Variants in ZNF385D observed in about 807,000 individuals in gnomAD.
ZNF385D encodes zinc finger protein 385D, also known as zinc finger protein 659.
A neutral mutation model predicts 35.8 loss-of-function variants in ZNF385D; 15 were observed. That is an observed-to-expected ratio of 0.42 (90% CI 0.28 to 0.64). The LOEUF is 0.64. ZNF385D is among the 30% of genes least tolerant of loss of function. ZNF385D has a pLI of 0.23. For missense variants in ZNF385D, 474 were observed against 494.6 expected, an observed-to-expected ratio of 0.96 and a Z score of 0.39; for synonymous variants, 212 against 186.8, an observed-to-expected ratio of 1.13 and a Z score of -1.10.
chr3:22,132,236 A>G (rs1703843747), intron 3 of ZNF385D, among the ~76,000 whole-genome samples: 1 of 152,090 alleles, frequency 6.6e-6, no homozygotes, highest in Non-Finnish European at 1.5e-5. Context: ...GAGCCCCTAT[A>G]AAAAAAGGAA....
At chr3:22,169,465 T>C (rs751992113) in intron 2 of ZNF385D, among the ~76,000 whole-genome samples, 4 of 152,340 alleles carry the variant, frequency 2.6e-5, no homozygotes, top group East Asian at 1.9e-4. Flanking sequence ...TAGTATGTAA[T>C]AATGAATTAG....
intron 2 of ZNF385D, among the ~76,000 whole-genome samples, chr3:22,249,131 C>G (rs1008269922): frequency 5.3e-5 from 8 of 152,126 alleles, no homozygotes; most frequent in African/African-American, 1.9e-4. Flanking sequence ...GACTCTTGGA[C>G]TAGATAAGCC....
chr3:21,947,844 T>C (rs995297530), intron 3 of ZNF385D, among the ~76,000 whole-genome samples: 1 of 152,156 alleles, frequency 6.6e-6, no homozygotes, highest in Non-Finnish European at 1.5e-5. Flanking sequence ...GGTTATGTAT[T>C]TGTCTATATT....
chr3:21,739,069 G>C (rs1297683117), intron 1 of ZNF385D, among the ~76,000 whole-genome samples: 1 of 152,216 alleles, frequency 6.6e-6, no homozygotes, highest in Non-Finnish European at 1.5e-5. Context: ...AGAAGCGTAT[G>C]GCATTTGACA....
intron 3 of ZNF385D, among the ~76,000 whole-genome samples, chr3:22,067,155 T>C (rs761031087): frequency 6.6e-6 from 1 of 152,126 alleles, no homozygotes; most frequent in Admixed American, 6.5e-5. Flanking sequence ...GAAAGAAAGA[T>C]TGCTTGTGTC....
upstream of ZNF385D, among the ~76,000 whole-genome samples, chr3:21,753,198 A>T (rs2070183178): frequency 6.6e-6 from 1 of 152,220 alleles, no homozygotes; most frequent in Non-Finnish European, 1.5e-5. Flanking sequence ...CAAATGAAGA[A>T]CCTGAGGCTC....
rs185600170 is a variant in ZNF385D, at chr3:21,999,742, G to A, written c.325+169075C>T. On this transcript the variant is annotated intron_variant, in intron 3 of 5. Transcript: ENST00000494108. ...AGCAGAAGAATTTCTAAACTTGAAA[G>A]TAGTTCTTGTAAAATACCCCAGTCA... 2.0e-5 allele frequency among the ~76,000 whole-genome samples: 3 copies of A among 147,174 alleles called. No individual in the cohort carries two copies. The East Asian group carries it at 6.0e-4, about 29-fold the overall frequency.
intron 2 of ZNF385D, among the ~76,000 whole-genome samples, chr3:22,192,680 A>T (rs1696139467): frequency 6.6e-6 from 1 of 151,960 alleles, no homozygotes; most frequent in Non-Finnish European, 1.5e-5. Context: ...TCATGAAAAA[A>T]CCTCAGCAAA....
chr3:21,808,604 C>T (rs930180268), intron 3 of ZNF385D, among the ~76,000 whole-genome samples: 4 of 152,202 alleles, frequency 2.6e-5, no homozygotes, highest in Non-Finnish European at 4.4e-5. Context: ...CATAGAGCTA[C>T]TGGGTGGACT....
At position 22,221,566 on chromosome 3, in the gene ZNF385D, C is replaced by T. The variant is rs752994059; in HGVS notation, c.107-52531G>A. Among the ~76,000 whole-genome samples the T allele has an allele frequency of 9.9e-5, 15 of 152,202 alleles. 1 individual carries two copies. Among genetic ancestry groups the T allele is most frequent in the African/African-American group, 1.7e-4 (7 of 41,548 alleles). ...GATAAAAGATGCCTTAATTTCATTT[C>T]GCTTTATATCATCGGGGTTTCTCAT... On this transcript the variant is annotated intron_variant, in intron 2 of 5. Transcript: ENST00000494108.
At chr3:21,845,048 A>C (rs1695916549) in intron 3 of ZNF385D, among the ~76,000 whole-genome samples, 1 of 152,002 alleles carries the variant, frequency 6.6e-6, no homozygotes, top group Non-Finnish European at 1.5e-5. Flanking sequence ...AAGAGAAAAG[A>C]AATGTTAACG....
At chr3:21,732,056 T>TGAGAACGGGG (rs2069037828) in intron 1 of ZNF385D, among the ~76,000 whole-genome samples, 1 of 98,490 alleles carries the variant, frequency 1.0e-5, no homozygotes, top group Non-Finnish European at 2.0e-5. Context: ...TTTTTTTTTT[T>TGAGAACGGGG]TTTTTTTTTT....
At chr3:22,198,322 A>T (rs1302690984) in intron 2 of ZNF385D, among the ~76,000 whole-genome samples, 1 of 152,116 alleles carries the variant, frequency 6.6e-6, no homozygotes, top group African/African-American at 2.4e-5. Context: ...GCAACCACTG[A>T]TATTTGCAGC....
chr3:22,304,830 C>G (rs1575080011), intron 2 of ZNF385D, among the ~76,000 whole-genome samples: 2 of 152,148 alleles, frequency 1.3e-5, no homozygotes, highest in African/African-American at 2.4e-5. Flanking sequence ...ACTTGCTTTC[C>G]CCTATTTCAA....
At chr3:21,668,260 C>T (rs770167585) in intron 1 of ZNF385D, among the ~76,000 whole-genome samples, 2 of 152,102 alleles carry the variant, frequency 1.3e-5, no homozygotes, top group African/African-American at 2.4e-5. Flanking sequence ...AGTTGATAGC[C>T]CCAAGCAATG....
At chr3:22,279,197 T>C (rs1701590046) in intron 2 of ZNF385D, among the ~76,000 whole-genome samples, 1 of 152,012 alleles carries the variant, frequency 6.6e-6, no homozygotes, top group Admixed American at 6.6e-5. Flanking sequence ...GAGATCTTGG[T>C]GTACTCATCA....
chr3:22,211,159 T>C lies in ZNF385D; in HGVS notation c.107-42124A>G, dbSNP rs563738068. On this transcript the variant is annotated intron_variant, in intron 2 of 5. Transcript: ENST00000494108. Reference sequence around the variant, plus strand: ...GTTATTCCTCAAGCTCAGGAGATTATAAATTTCTCAAAAGTGGGAACATAA... The same window carrying C: ...GTTATTCCTCAAGCTCAGGAGATTACAAATTTCTCAAAAGTGGGAACATAA... Among the ~76,000 whole-genome samples the C allele has an allele frequency of 3.3e-5, 5 of 152,064 alleles. No individual in the cohort carries two copies. The East Asian group carries it at 9.7e-4, about 29-fold the overall frequency.
intron 3 of ZNF385D, among the ~76,000 whole-genome samples, chr3:21,982,472 G>A (rs1476696262): frequency 6.6e-6 from 1 of 152,092 alleles, no homozygotes; most frequent in East Asian, 1.9e-4. Flanking sequence ...ATCAGTGGGA[G>A]GAGCTTTTGG....
rs142731427 is a variant in ZNF385D, at chr3:21,542,504, T to C, written c.276+22070A>G. 3.3e-4 allele frequency among the ~76,000 whole-genome samples: 50 copies of C among 152,200 alleles called. No individual in the cohort carries two copies. The East Asian group carries it at 9.5e-3, about 29-fold the overall frequency. ...CTAGGACTACAGGTGCGCACCACCA[T>C]GCCCGGCTAATTTTTTAAGATTTTT... is the stretch of plus-strand genomic sequence containing the variant. On this transcript the variant is annotated intron_variant, in intron 3 of 7. Coordinates refer to ENST00000281523, the MANE Select transcript of ZNF385D (RefSeq NM_024697.3).
Sources: allele counts gnomAD v4.1 joint callset (sites outside exome capture counted in the v4.1 genomes callset), GRCh38; gene constraint gnomAD v4.1.1; transcripts MANE v1.5; gene names NCBI Gene and HGNC (gene_info 2026-07-23, HGNC 2026-07-21).